Variants in ASTN2 observed in about 807,000 individuals in gnomAD.
The protein encoded by ASTN2 is astrotactin 2.
Under a neutral mutation model 139.8 loss-of-function variants are expected in ASTN2, and 54 were observed. That is an observed-to-expected ratio of 0.39 (90% CI 0.31 to 0.48). The LOEUF (loss-of-function observed/expected upper bound fraction) is 0.48, where lower values mean the gene tolerates loss of function less well. Among genes scored for constraint, ASTN2 ranks in the 20% least tolerant of loss-of-function variants. The pLI is 0.95. For missense variants in ASTN2, 1,565 were observed against 1,725.1 expected, an observed-to-expected ratio of 0.91 and a Z score of 1.64; for synonymous variants, 756 against 719.5, an observed-to-expected ratio of 1.05 and a Z score of -0.81.
chr9:116,593,874 G>A (rs1854467054), intron 19 of ASTN2, among the ~76,000 whole-genome samples: 1 of 152,094 alleles, frequency 6.6e-6, no homozygotes, highest in Non-Finnish European at 1.5e-5. Flanking sequence ...TCCAGGTTGA[G>A]ATGAAAGCCC....
chr9:116,482,641 T>C lies in ASTN2; in HGVS notation c.3497+4718A>G, dbSNP rs528368200. ...GTACCACTGAGAGCAAATGTGAAAC[T>C]TGCTGTCGGACTCCCAACCTCGGGC... On this transcript the variant is annotated intron_variant, in intron 20 of 22. Coordinates refer to ENST00000313400, the MANE Select transcript of ASTN2 (RefSeq NM_001365068.1). 1.1e-4 allele frequency among the ~76,000 whole-genome samples: 16 copies of C among 152,174 alleles called. No individual in the cohort carries two copies. In the South Asian group the frequency reaches 3.3e-3, roughly 32 times the overall value.
chr9:116,986,486 C>A (rs1025801135), intron 7 of ASTN2, among the ~76,000 whole-genome samples: 20 of 152,154 alleles, frequency 1.3e-4, no homozygotes, highest in African/African-American at 4.6e-4. Context: ...GAGGAGTGTG[C>A]AGGAGGTATA....
intron 6 of ASTN2, among the ~76,000 whole-genome samples, chr9:117,010,099 T>C (rs909482281): frequency 6.6e-6 from 1 of 152,132 alleles, no homozygotes; most frequent in African/African-American, 2.4e-5. Flanking sequence ...GTAGGAGGAA[T>C]AGACAGTATC....
intron 13 of ASTN2, among the ~76,000 whole-genome samples, chr9:116,775,088 T>C (rs1192525382): frequency 4.6e-5 from 7 of 151,846 alleles, no homozygotes; most frequent in Non-Finnish European, 8.8e-5. Context: ...CAGGGACACA[T>C]AATAAAAGGG....
rs148503875 is a variant in ASTN2 at position 116,651,673 on chromosome 9, C to T, written c.2927G>A (p.Arg976His). ...TGGACAGCGCCCCTTCTCCTCACAG[C>T]GAATCTCCACACCTGAAATGAGCTG... ...DDQLISGVEI[R>H]CEEKGRCPST... Residue 976 changes from arginine to histidine, a missense_variant, in exon 17 of 23, where the codon CGC (arginine) becomes CAC (histidine). Physicochemically the swap from Arg to His is conservative, Grantham distance 29. This residue lies in a region of ASTN2 where 418 missense variants were observed against 465.8 expected (regional missense o/e 0.90). Transcript: ENST00000313400. 9.3e-6 allele frequency: 15 copies of T among 1,614,030 alleles called. No homozygotes were observed. Among genetic ancestry groups the T allele is most frequent in the African/African-American group, 4.0e-5 (3 of 74,924 alleles).
intron 19 of ASTN2, chr9:116,586,466 A>G (rs1250487932): frequency 6.6e-6 from 1 of 152,236 alleles, no homozygotes; most frequent in African/African-American, 2.4e-5. Flanking sequence ...CAGCCTTAAA[A>G]AAGAATGAAC....
intron 1 of ASTN2, among the ~76,000 whole-genome samples, chr9:117,326,034 C>A (rs980056867): frequency 6.6e-6 from 1 of 152,082 alleles, no homozygotes; most frequent in South Asian, 2.1e-4. Flanking sequence ...GGCCACACAG[C>A]GGAGCTTCAC....
intron 10 of ASTN2, among the ~76,000 whole-genome samples, chr9:116,924,622 G>A (rs1834706353): frequency 6.6e-6 from 1 of 152,070 alleles, no homozygotes; most frequent in African/African-American, 2.4e-5. Flanking sequence ...GACCATATAA[G>A]GTAACTTTCT....
chr9:117,278,940 A>G (rs143977663), intron 2 of ASTN2, among the ~76,000 whole-genome samples: 271 of 152,342 alleles, frequency 1.8e-3, no homozygotes, highest in African/African-American at 6.3e-3. Context: ...CAGCTCTGTC[A>G]TCAACCTGCT....
At chr9:117,254,800 TC>T (rs951996906) in intron 2 of ASTN2, among the ~76,000 whole-genome samples, 20 of 152,348 alleles carry the variant, frequency 1.3e-4, no homozygotes, top group African/African-American at 4.3e-4. Context: ...CATATCACTG[TC>T]TATTCTGTTC....
chr9:117,394,504 A>C (rs987297565), intron 1 of ASTN2, among the ~76,000 whole-genome samples: 2 of 152,196 alleles, frequency 1.3e-5, no homozygotes, highest in African/African-American at 4.8e-5. Context: ...GGCCTAAGAA[A>C]GATAAATAAA....
chr9:116,526,460 GAAC>G (rs1404862800), intron 19 of ASTN2, among the ~76,000 whole-genome samples: 1 of 151,798 alleles, frequency 6.6e-6, no homozygotes, highest in East Asian at 1.9e-4. Flanking sequence ...AAAAATACAA[GAAC>G]AACAAAAAAT....
intron 1 of ASTN2, among the ~76,000 whole-genome samples, chr9:117,383,968 G>A (rs1830333018): frequency 6.6e-6 from 1 of 152,070 alleles, no homozygotes; most frequent in Non-Finnish European, 1.5e-5. Context: ...CACGAACAGG[G>A]GCTCACATGG....
intron 5 of ASTN2, among the ~76,000 whole-genome samples, chr9:117,087,216 CT>C (rs869122186): frequency 2.2e-4 from 30 of 133,916 alleles, no homozygotes; most frequent in Admixed American, 3.9e-4. Flanking sequence ...TCATTTTTTT[CT>C]TTTTGTTTGT....
intron 10 of ASTN2, among the ~76,000 whole-genome samples, chr9:116,952,733 G>A (rs570055527): frequency 5.3e-4 from 80 of 152,318 alleles, no homozygotes; most frequent in African/African-American, 1.9e-3. Context: ...GCCCAGGGCC[G>A]CTGATATTGG....
rs992960450 is a variant in ASTN2, at chr9:117,037,321, C to T, written c.1423+2498G>A. On this transcript the variant is annotated intron_variant, in intron 6 of 22. Coordinates refer to ENST00000313400, the MANE Select transcript of ASTN2 (RefSeq NM_001365068.1). ...TCATCAAGACGGTTTGCCGCTGTCT[C>T]GGGTAATCCCTTGATTTTGCTATTT... 1.0e-4 allele frequency among the ~76,000 whole-genome samples: 15 copies of T among 147,788 alleles called. No individual in the cohort carries two copies. The East Asian group carries it at 2.2e-3, about 22-fold the overall frequency.
intron 10 of ASTN2, among the ~76,000 whole-genome samples, chr9:116,927,185 T>C (rs528335737): frequency 2.2e-4 from 33 of 152,242 alleles, no homozygotes; most frequent in African/African-American, 7.9e-4. Context: ...TTGCCTTCCA[T>C]CCATACCTCT....
chr9:116,762,765 G>A (rs1342509195), intron 13 of ASTN2, among the ~76,000 whole-genome samples: 1 of 152,232 alleles, frequency 6.6e-6, no homozygotes, highest in Non-Finnish European at 1.5e-5. Context: ...GTCTATGGCT[G>A]TTTTGCCAGT....
rs1457618711 is a variant in ASTN2 at position 117,291,362 on chromosome 9, A to G, written c.594T>C (p.Val198=). The G allele has an allele frequency of 1.2e-6, 2 of 1,613,844 alleles. No individual in the cohort carries two copies. The highest frequency in any genetic ancestry group is 1.7e-6 in the Non-Finnish European group (2 of 1,179,972). ...APTLQEPSEI[V]EEQMHILHIS... ...TGTGGAGGATGTGCATCTGCTCCTC[A>G]ACAATCTCCGAGGGCTCCTGGAGAG... Residue 198 remains valine (V), a synonymous_variant, in exon 2 of 23, where the codon GTT becomes GTC. Coordinates refer to ENST00000313400, the MANE Select transcript of ASTN2 (RefSeq NM_001365068.1).
Sources: allele counts gnomAD v4.1 joint callset (sites outside exome capture counted in the v4.1 genomes callset), GRCh38; gene constraint gnomAD v4.1.1; regional missense constraint gnomAD v4.1.1; transcripts MANE v1.5; gene names NCBI Gene and HGNC (gene_info 2026-07-23, HGNC 2026-07-21).